PRIMA1: variants seen among roughly 807,000 people sequenced by gnomAD.
The protein encoded by PRIMA1 is proline-rich membrane anchor 1.
In PRIMA1, 7 loss-of-function variants were observed where a neutral mutation model predicts 17.5. The ratio of observed to expected loss-of-function variants is 0.40; its 90% CI spans 0.23 to 0.75. The LOEUF is 0.75. Ranked by LOEUF, PRIMA1 falls within the 30% of genes least tolerant of loss-of-function variation. The pLI, the probability that PRIMA1 is intolerant of heterozygous loss-of-function variation, is 0.37. For synonymous variants in PRIMA1, 97 were observed against 77.9 expected, an observed-to-expected ratio of 1.25 and a Z score of -1.29; for missense variants, 200 against 201.8, an observed-to-expected ratio of 0.99 and a Z score of 0.05.
chr14:93,779,239 G>T lies in PRIMA1; in HGVS notation c.166C>A (p.Pro56Thr). The change falls in exon 3 of 5, where the codon CCC becomes ACC. Residue 56 changes from proline to threonine, a missense_variant. Coordinates refer to ENST00000393140, the MANE Select transcript of PRIMA1 (RefSeq NM_178013.4). ...GGCGGCGGGGGCAGCGGGGGAGGGGGCCGGCACTGGCAGACGTGTCGGCAG... is the reference window on the plus strand; with the variant it reads ...GGCGGCGGGGGCAGCGGGGGAGGGGTCCGGCACTGGCAGACGTGTCGGCAG... The part of the protein sequence containing the change: ...DSCRHVCQCR[P>T]PPPLPPPPPP... The T allele has an allele frequency of 1.4e-6, 2 of 1,462,266 alleles. No homozygotes were observed. The highest frequency in any genetic ancestry group is 9.2e-7 in the Non-Finnish European group (1 of 1,090,718). The allele number at this position is 1,462,266 out of a possible 1,614,324, so 90.6% of individuals were successfully genotyped here.
chr14:93,751,936 T>C (rs1221931870), intron 3 of PRIMA1, among the ~76,000 whole-genome samples: 1 of 152,224 alleles, frequency 6.6e-6, no homozygotes, highest in Non-Finnish European at 1.5e-5. Context: ...AGTTCCTCTG[T>C]TGCACTGGCC....
intron 2 of PRIMA1, among the ~76,000 whole-genome samples, chr14:93,782,316 A>G (rs564130856): frequency 2.8e-4 from 43 of 152,186 alleles, no homozygotes; most frequent in Non-Finnish European, 4.0e-4. Context: ...ACATAAATAC[A>G]TAAATAAAAT....
intron 3 of PRIMA1, among the ~76,000 whole-genome samples, chr14:93,742,675 C>T (rs1005073058): frequency 1.3e-5 from 2 of 152,124 alleles, no homozygotes; most frequent in African/African-American, 4.8e-5. Context: ...GACAAGCCCT[C>T]CAGGTACTCT....
At chr14:93,774,444 A>G (rs1359602550) in intron 3 of PRIMA1, among the ~76,000 whole-genome samples, 1 of 152,224 alleles carries the variant, frequency 6.6e-6, no homozygotes, top group Non-Finnish European at 1.5e-5. Flanking sequence ...ACAGGCCTGC[A>G]CGAATAGGTG....
chr14:93,785,878 C>G (rs1204589915), intron 2 of PRIMA1, among the ~76,000 whole-genome samples: 1 of 151,130 alleles, frequency 6.6e-6, no homozygotes, highest in Non-Finnish European at 1.5e-5. Flanking sequence ...ACACACACCC[C>G]TGCACACACA....
chr14:93,722,790 A>C (rs372228187), intron 4 of PRIMA1, among the ~76,000 whole-genome samples: 1 of 150,234 alleles, frequency 6.7e-6, no homozygotes, highest in Non-Finnish European at 1.5e-5. Context: ...TGACAGTGGT[A>C]ATGAAGATGG....
chr14:93,777,616 A>T lies in PRIMA1; in HGVS notation c.229+1560T>A, dbSNP rs146370440. 7.3e-3 allele frequency among the ~76,000 whole-genome samples: 1,116 copies of T among 152,306 alleles called. 13 individuals are homozygous for T. The highest frequency in any genetic ancestry group is 0.025 in the African/African-American group (1,053 of 41,548). On this transcript the variant is annotated intron_variant, in intron 3 of 4. Coordinates refer to ENST00000393140, the MANE Select transcript of PRIMA1 (RefSeq NM_178013.4). ...CTCCCAAAGTGCTGGGATTACAGGC[A>T]TGAGCCACTGTGCCCGACCAATCCC...
intron 3 of PRIMA1, among the ~76,000 whole-genome samples, chr14:93,743,805 C>G (rs2076198869): frequency 6.6e-6 from 1 of 152,214 alleles, no homozygotes. Context: ...CAGGGGTCCC[C>G]TTTGGCACCA....
chr14:93,735,799 C>A (rs931121368), intron 4 of PRIMA1, among the ~76,000 whole-genome samples: 1 of 151,146 alleles, frequency 6.6e-6, no homozygotes, highest in Non-Finnish European at 1.5e-5. Context: ...TCAAGAGATT[C>A]TCCTGCCTCA....
chr14:93,765,944 T>C (rs1482092879), intron 3 of PRIMA1, among the ~76,000 whole-genome samples: 11 of 152,164 alleles, frequency 7.2e-5, no homozygotes, highest in Non-Finnish European at 2.9e-5. Flanking sequence ...TTTGCCTTCA[T>C]CGATAATATA....
chr14:93,737,198 G>C, intron 4 of PRIMA1, 43 bp downstream of exon 4: 1 of 1,607,334 alleles, frequency 6.2e-7, no homozygotes. Flanking sequence ...CCCAGCTGGG[G>C]TTCCCTTCGG....
intron 3 of PRIMA1, among the ~76,000 whole-genome samples, chr14:93,774,221 C>G (rs980723530): frequency 6.6e-6 from 1 of 152,220 alleles, no homozygotes; most frequent in African/African-American, 2.4e-5. Context: ...AGTGGGGTGA[C>G]CCGCTGTTCC....
intron 3 of PRIMA1, among the ~76,000 whole-genome samples, chr14:93,749,552 GACAA>G (rs1049918773): frequency 3.3e-5 from 5 of 152,084 alleles, no homozygotes; most frequent in Non-Finnish European, 5.9e-5. Flanking sequence ...ACAGGAAGCT[GACAA>G]ACAAAAATGA....
intron 4 of PRIMA1, among the ~76,000 whole-genome samples, chr14:93,721,752 C>A (rs982260177): frequency 6.6e-6 from 1 of 152,056 alleles, no homozygotes; most frequent in African/African-American, 2.4e-5. Context: ...GGTCTTAACT[C>A]GGGTGTCATG....
chr14:93,752,609 G>C (rs1032177195), intron 3 of PRIMA1, among the ~76,000 whole-genome samples: 1 of 152,216 alleles, frequency 6.6e-6, no homozygotes, highest in Admixed American at 6.5e-5. Context: ...CCAGGCCCAC[G>C]AGAACTCCAC....
intron 3 of PRIMA1, among the ~76,000 whole-genome samples, chr14:93,753,687 G>C (rs757451401): frequency 6.6e-6 from 1 of 152,156 alleles, no homozygotes; most frequent in Non-Finnish European, 1.5e-5. Flanking sequence ...CTTTCCCAAA[G>C]GCCACTGGAG....
Position 93,747,951 on chromosome 14 carries a change from G to A in PRIMA1, c.230-10581C>T, listed in dbSNP as rs567830658. On this transcript the variant is annotated intron_variant, in intron 3 of 4. Transcript: ENST00000393140. Reference sequence around the variant, plus strand: ...TGTGATTATGTGAGTGTGTGTGTATGAGTGTGTGTGTATAAGTGTGTGAGT... The same window carrying A: ...TGTGATTATGTGAGTGTGTGTGTATAAGTGTGTGTGTATAAGTGTGTGAGT... 6.0e-5 allele frequency among the ~76,000 whole-genome samples: 9 copies of A among 149,764 alleles called. No individual in the cohort carries two copies. The South Asian group carries it at 1.5e-3, about 25-fold the overall frequency.
intron 3 of PRIMA1, among the ~76,000 whole-genome samples, chr14:93,770,803 C>A (rs1270969489): frequency 6.6e-6 from 1 of 152,202 alleles, no homozygotes; most frequent in East Asian, 1.9e-4. Context: ...AGATTCCCAG[C>A]ACCTAGTACC....
rs958469230 is a variant in PRIMA1 at position 93,726,110 on chromosome 14, C to T, written c.360-4564G>A. The T allele has an allele frequency of 2.6e-5, 12 of 454,280 alleles. No homozygotes were observed. The highest frequency in any genetic ancestry group is 1.8e-4 in the African/African-American group (9 of 50,032). The allele number at this position is 454,280 out of a possible 1,614,324, so 28.1% of individuals were successfully genotyped here. A position where few individuals can be genotyped will look rare whatever the true frequency, so the allele number is the denominator to read the frequency against. On this transcript the variant is annotated intron_variant, in intron 4 of 4. Coordinates refer to ENST00000393140, the MANE Select transcript of PRIMA1 (RefSeq NM_178013.4). This position sits in a 1 kb window ranked among gnomAD's most constrained non-coding sequence, Gnocchi z 4.2. ...CACCTTCAGACTTCTTGTCCCCTGC[C>T]CTGGGCTTGGAGGGCAGCAGGCTCC...
Sources: gnomAD v4.1 joint callset for allele counts (sites outside exome capture counted in the v4.1 genomes callset) on GRCh38, gnomAD v4.1.1 for gene constraint, Gnocchi (gnomAD v3.1) non-coding constraint, MANE v1.5 for transcripts, NCBI Gene and HGNC (gene_info 2026-07-23, HGNC 2026-07-21) for gene names.